CELF2: variants seen among roughly 807,000 people sequenced by gnomAD.
CELF2 encodes CUG triplet repeat RNA-binding protein 2.
A neutral mutation model predicts 62.6 loss-of-function variants in CELF2; 8 were observed. The observed-to-expected ratio is 0.13, with a 90% CI of 0.07 to 0.23. The LOEUF is 0.23. CELF2 is among the 10% of genes least tolerant of loss of function. The pLI is 1.00. For missense variants in CELF2, 333 were observed against 671.0 expected, an observed-to-expected ratio of 0.50 and a Z score of 5.56; for synonymous variants, 258 against 250.0, an observed-to-expected ratio of 1.03 and a Z score of -0.30.
the CELF2 span, among the ~76,000 whole-genome samples, chr10:10,532,949 G>A: frequency 2.7e-4 from 41 of 151,662 alleles, no homozygotes; most frequent in Non-Finnish European, 5.9e-4. Context: ...ATTGGCGGGA[G>A]AGTTGGGTTG....
intron 1 of CELF2, among the ~76,000 whole-genome samples, chr10:10,854,549 T>C (rs370210486): frequency 1.3e-5 from 2 of 152,144 alleles, no homozygotes; most frequent in East Asian, 3.9e-4. Context: ...GCAAAAATGA[T>C]TCCAGCTTTA....
At chr10:11,213,551 A>G (rs1470528665) in intron 2 of CELF2, among the ~76,000 whole-genome samples, 1 of 152,186 alleles carries the variant, frequency 6.6e-6, no homozygotes, top group Non-Finnish European at 1.5e-5. Flanking sequence ...GAAAATAATG[A>G]TATTTCTCTC....
At chr10:10,722,120 G>C in the CELF2 span, among the ~76,000 whole-genome samples, 1 of 151,836 alleles carries the variant, frequency 6.6e-6, no homozygotes. Context: ...GGGCAACAAA[G>C]CAAGATCCCA....
intron 1 of CELF2, among the ~76,000 whole-genome samples, chr10:10,915,551 G>A (rs1035094238): frequency 1.3e-5 from 2 of 152,092 alleles, no homozygotes; most frequent in Non-Finnish European, 2.9e-5. Flanking sequence ...GATTATAGGT[G>A]CATGCAACCA....
chr10:11,003,965 G>A (rs777538566), upstream of CELF2, among the ~76,000 whole-genome samples: 3 of 152,078 alleles, frequency 2.0e-5, no homozygotes, highest in African/African-American at 7.2e-5. This position sits in a 1 kb window ranked among gnomAD's most constrained non-coding sequence, Gnocchi z 4.4. Context: ...GCTATCCTTC[G>A]CTTATTTGCC....
At chr10:10,777,250 G>A in the CELF2 span, among the ~76,000 whole-genome samples, 1 of 152,130 alleles carries the variant, frequency 6.6e-6, no homozygotes, top group Non-Finnish European at 1.5e-5. Flanking sequence ...TCCATCCAGA[G>A]CTCTGTCCCA....
At chr10:10,492,160 G>A in the CELF2 span, among the ~76,000 whole-genome samples, 86,551 of 151,912 alleles carry the variant, frequency 0.57, 24,773 homozygotes, top group Admixed American at 0.65. Flanking sequence ...GTACTTCTCT[G>A]AAAATCTCTG....
intron 8 of CELF2, among the ~76,000 whole-genome samples, chr10:11,287,099 C>T (rs1358702360): frequency 1.3e-5 from 2 of 152,204 alleles, no homozygotes; most frequent in African/African-American, 2.4e-5. Context: ...TCTCATCCCT[C>T]CACCAGCGCC....
Position 11,336,595 on chromosome 10 carries a change from A to T in CELF2, c.*7542A>T, listed in dbSNP as rs1280216581. On this transcript the variant is annotated 3_prime_UTR_variant, in exon 13 of 13. Coordinates refer to ENST00000633077, the MANE Select transcript of CELF2 (RefSeq NM_001326342.2). The surrounding 1 kb of genome is among the most constrained non-coding windows in gnomAD (Gnocchi z 5.4). ...GGTATTTTTGTTCTTTTAAGTCTTGAGTGATACAGGATATTTTTCATTAAA... is the reference window on the plus strand; with the variant it reads ...GGTATTTTTGTTCTTTTAAGTCTTGTGTGATACAGGATATTTTTCATTAAA... 6.6e-6 allele frequency: 1 copy of T among 152,636 alleles called. No homozygotes were observed. Among genetic ancestry groups the T allele is most frequent in the Non-Finnish European group, 1.5e-5 (1 of 68,042 alleles). The allele number at this position is 152,636 out of a possible 1,614,324, so 9.5% of individuals were successfully genotyped here.
rs562787853 is a variant in CELF2, at chr10:10,810,236, T to C, written c.53+11419T>C. 2.0e-5 allele frequency among the ~76,000 whole-genome samples: 3 copies of C among 152,312 alleles called. No individual in the cohort carries two copies. In the East Asian group the frequency reaches 5.8e-4, roughly 29 times the overall value. ...TACAATAATACAAAATACAATCGTG[T>C]ACGGAAGAGTTAGTTCTCATCTTTA... On this transcript the variant is annotated intron_variant, in intron 1 of 13. Transcript: ENST00000636488.
At chr10:10,953,260 T>C (rs563749958) in intron 2 of CELF2, among the ~76,000 whole-genome samples, 2 of 152,304 alleles carry the variant, frequency 1.3e-5, no homozygotes, top group African/African-American at 4.8e-5. Context: ...ATACAGTCCA[T>C]CACTCATGTC....
At chr10:10,577,143 C>T in the CELF2 span, among the ~76,000 whole-genome samples, 1 of 152,102 alleles carries the variant, frequency 6.6e-6, no homozygotes, top group Non-Finnish European at 1.5e-5. Flanking sequence ...AACTGCATTG[C>T]GCCCAGAGTA....
At chr10:10,785,426 T>A in the CELF2 span, among the ~76,000 whole-genome samples, 2 of 152,204 alleles carry the variant, frequency 1.3e-5, no homozygotes, top group East Asian at 3.8e-4. Context: ...TGCTCTCCCA[T>A]GTTCATTTCA....
At chr10:10,538,567 T>C in the CELF2 span, among the ~76,000 whole-genome samples, 4 of 152,146 alleles carry the variant, frequency 2.6e-5, no homozygotes, top group East Asian at 7.7e-4. Flanking sequence ...GTGTCAGCCT[T>C]GTGTGTCCTC....
the CELF2 span, among the ~76,000 whole-genome samples, chr10:10,499,613 C>G: frequency 6.6e-6 from 1 of 152,114 alleles, no homozygotes; most frequent in Non-Finnish European, 1.5e-5. Context: ...GGCACAGTGA[C>G]TCAGGCCTGT....
At chr10:10,767,535 G>A in the CELF2 span, among the ~76,000 whole-genome samples, 1 of 152,154 alleles carries the variant, frequency 6.6e-6, no homozygotes, top group African/African-American at 2.4e-5. Context: ...GCAGGGTGAG[G>A]GAAAGGGTGT....
upstream of CELF2, among the ~76,000 whole-genome samples, chr10:11,001,902 TAGTC>T (rs1298752775): frequency 6.6e-6 from 1 of 152,194 alleles, no homozygotes; most frequent in African/African-American, 2.4e-5. Context: ...CAAAAGTTGT[TAGTC>T]TGTCTAGGCT....
rs569027445 is a variant in CELF2 at position 11,059,553 on chromosome 10, A to G, written c.74+41390A>G. Among the ~76,000 whole-genome samples the G allele has an allele frequency of 5.3e-5, 8 of 152,358 alleles. No homozygotes were observed. The South Asian group carries it at 1.2e-3, about 24-fold the overall frequency. On this transcript the variant is annotated intron_variant, in intron 1 of 12. Transcript: ENST00000633077. ...TGGTGAGATGGTGAAAACATATCCC[A>G]TGTGACTGCTCTTGTTTCTGTGCCT...
chr10:11,172,668 A>G (rs748167167), intron 2 of CELF2, among the ~76,000 whole-genome samples: 3 of 152,188 alleles, frequency 2.0e-5, no homozygotes, highest in Non-Finnish European at 4.4e-5. Context: ...TTTGATCCTT[A>G]TATCTCTGGA....
Sources: allele counts gnomAD v4.1 joint callset (sites outside exome capture counted in the v4.1 genomes callset), GRCh38; gene constraint gnomAD v4.1.1; non-coding constraint Gnocchi (gnomAD v3.1); transcripts MANE v1.5; gene names NCBI Gene and HGNC (gene_info 2026-07-23, HGNC 2026-07-21).